The following HOTAIR variants were observed in gnomAD, a reference collection of about 807,000 sequenced individuals.
HOTAIR encodes the protein HOX transcript antisense RNA (non-protein coding).
intron 2 of HOTAIR, among the ~76,000 whole-genome samples, chr12:53,967,595 C>T (rs544376446): frequency 4.3e-4 from 65 of 152,304 alleles, no homozygotes; most frequent in African/African-American, 1.4e-3. Context: ...CGGGAAGCCC[C>T]AGGGAGGGAA....
At chr12:53,974,046 T>A (rs1170467281) in intron 1 of HOTAIR, 1 of 746,884 alleles carries the variant, frequency 1.3e-6, no homozygotes, top group Non-Finnish European at 2.0e-6. Context: ...TCCGATTTTA[T>A]GTGGAGTTTT....
At chr12:53,972,056 T>C (rs190006673) in intron 1 of HOTAIR, among the ~76,000 whole-genome samples, 17 of 152,306 alleles carry the variant, frequency 1.1e-4, no homozygotes, top group Admixed American at 1.1e-3. Flanking sequence ...GTTAGTCTCT[T>C]CTGGAGACCC....
chr12:53,963,103 A>T (rs1048639846), exon 7 of HOTAIR: 1 of 152,202 alleles, frequency 6.6e-6, no homozygotes, highest in African/African-American at 2.4e-5. Context: ...TTTCACTTTT[A>T]AAAATTTGTT....
At chr12:53,972,616 A>G (rs1939166304) in intron 1 of HOTAIR, among the ~76,000 whole-genome samples, 1 of 152,206 alleles carries the variant, frequency 6.6e-6, no homozygotes, top group South Asian at 2.1e-4. Context: ...CTGGCCAGGA[A>G]AAGAGTGGAC....
chr12:53,972,165 A>G (rs1286615526), intron 1 of HOTAIR, among the ~76,000 whole-genome samples: 1 of 152,104 alleles, frequency 6.6e-6, no homozygotes, highest in South Asian at 2.1e-4. Context: ...GGACCCCTAC[A>G]CTAGGCTTCT....
chr12:53,967,678 C>T (rs1939079581), intron 2 of HOTAIR, among the ~76,000 whole-genome samples: 1 of 152,144 alleles, frequency 6.6e-6, no homozygotes, highest in Non-Finnish European at 1.5e-5. Flanking sequence ...ACTGGGGAGG[C>T]CCTTTCTTAT....
intron 5 of HOTAIR, chr12:53,964,296 A>C (rs767374082): frequency 6.6e-6 from 1 of 152,154 alleles, no homozygotes; most frequent in Non-Finnish European, 1.5e-5. Context: ...TAACGGAGAG[A>C]TATTGATATT....
chr12:53,971,048 G>A (rs1257551310), intron 1 of HOTAIR, among the ~76,000 whole-genome samples: 2 of 152,104 alleles, frequency 1.3e-5, no homozygotes, highest in African/African-American at 4.8e-5. Flanking sequence ...CAATAAACTC[G>A]AGTTTAATGA....
chr12:53,973,298 C>A lies in HOTAIR; in HGVS notation n.59+1600G>T, dbSNP rs146084910. 1.2e-6 allele frequency: 2 copies of A among 1,613,780 alleles called. No individual in the cohort carries two copies. The highest frequency in any genetic ancestry group is 4.5e-5 in the East Asian group (2 of 44,854). On this transcript the variant is annotated intron_variant and non_coding_transcript_variant, in intron 1 of 6. Coordinates refer to ENST00000424518, the Ensembl canonical transcript of HOTAIR. The surrounding 1 kb of genome is among the most constrained non-coding windows in gnomAD (Gnocchi z 4.3). ...GCTCTCCGTCGCGCAAGGAGAGGGG[C>A]GCAGATTTCGGCGAGCGAGGGAGCT...
intron 2 of HOTAIR, chr12:53,968,058 G>A (rs1274932468): frequency 1.3e-5 from 2 of 152,174 alleles, no homozygotes; most frequent in African/African-American, 2.4e-5. Context: ...CCAGGCGGAT[G>A]CAAGTTAATA....
exon 7 of HOTAIR, chr12:53,962,575 C>T (rs541444610): frequency 3.0e-4 from 46 of 152,276 alleles, no homozygotes; most frequent in African/African-American, 1.1e-3. Context: ...TATATACATA[C>T]TGTGTGTGTA....
Position 53,973,336 on chromosome 12 carries a change from T to G in HOTAIR, n.59+1562A>C. 6.2e-7 allele frequency: 1 copy of G among 1,614,018 alleles called. No individual in the cohort carries two copies. Among genetic ancestry groups the G allele is most frequent in the South Asian group, 1.1e-5 (1 of 91,068 alleles). Reference sequence around the variant, plus strand: ...GAGCGAGGGAGCTGCGCCTCCAACCTCTATCTGCCCAGTTGCACTTACTAC... The same window carrying G: ...GAGCGAGGGAGCTGCGCCTCCAACCGCTATCTGCCCAGTTGCACTTACTAC... On this transcript the variant is annotated intron_variant and non_coding_transcript_variant, in intron 1 of 6. Transcript: ENST00000424518. This position sits in a 1 kb window ranked among gnomAD's most constrained non-coding sequence, Gnocchi z 4.3.
intron 1 of HOTAIR, among the ~76,000 whole-genome samples, chr12:53,971,968 G>A (rs1298519172): frequency 2.6e-5 from 4 of 152,216 alleles, no homozygotes; most frequent in Non-Finnish European, 5.9e-5. Context: ...CAGGGACAGA[G>A]GCTGGGGGCT....
At chr12:53,964,984 G>A (rs1282212835) in intron 5 of HOTAIR, among the ~76,000 whole-genome samples, 1 of 152,160 alleles carries the variant, frequency 6.6e-6, no homozygotes, top group East Asian at 1.9e-4. Context: ...ATAATTACAG[G>A]GGTATCAATA....
Position 53,973,299 on chromosome 12 carries a change from G to A in HOTAIR, n.59+1599C>T. ...CTCTCCGTCGCGCAAGGAGAGGGGC[G>A]CAGATTTCGGCGAGCGAGGGAGCTG... On this transcript the variant is annotated intron_variant and non_coding_transcript_variant, in intron 1 of 6. Transcript: ENST00000424518. The surrounding 1 kb of genome is among the most constrained non-coding windows in gnomAD (Gnocchi z 4.3). The A allele has an allele frequency of 1.2e-6, 2 of 1,613,812 alleles. No homozygotes were observed. Among genetic ancestry groups the A allele is most frequent in the Non-Finnish European group, 8.5e-7 (1 of 1,179,992 alleles).
chr12:53,969,056 G>C (rs1351268076), intron 1 of HOTAIR: 1 of 152,252 alleles, frequency 6.6e-6, no homozygotes, highest in African/African-American at 2.4e-5. Context: ...TAAAGCCAGA[G>C]AATCAGGGCT....
chr12:53,967,479 G>A (rs986420520), intron 2 of HOTAIR: 3 of 152,240 alleles, frequency 2.0e-5, no homozygotes, highest in African/African-American at 7.2e-5. Flanking sequence ...AAGCAGCTCT[G>A]ACCCCAAGAT....
chr12:53,973,161 G>A lies in HOTAIR; in HGVS notation n.59+1737C>T, dbSNP rs908965688. ...AGAGAGAGACTAAGACGGATAACGC[G>A]TCATCTCGCCTTCCCAAATTTTCCC... On this transcript the variant is annotated intron_variant and non_coding_transcript_variant, in intron 1 of 6. Transcript: ENST00000424518. The surrounding 1 kb of genome is among the most constrained non-coding windows in gnomAD (Gnocchi z 4.3). 14 of 1,059,564 alleles carry A rather than the reference G, an allele frequency of 1.3e-5. No individual in the cohort carries two copies. The highest frequency in any genetic ancestry group is 4.8e-5 in the African/African-American group (3 of 62,854). The allele number at this position is 1,059,564 out of a possible 1,614,324, so 65.6% of individuals were successfully genotyped here. A position where few individuals can be genotyped will look rare whatever the true frequency, so the allele number is the denominator to read the frequency against.
At chr12:53,962,512 C>T (rs1273853479) in exon 7 of HOTAIR, 3 of 152,300 alleles carry the variant, frequency 2.0e-5, no homozygotes, top group East Asian at 1.9e-4. Flanking sequence ...ATTATATATA[C>T]ACAAAGTGCA....
Sources: gnomAD v4.1 joint callset for allele counts (sites outside exome capture counted in the v4.1 genomes callset) on GRCh38, gnomAD v4.1.1 for gene constraint, Gnocchi (gnomAD v3.1) non-coding constraint, MANE v1.5 for transcripts, NCBI Gene and HGNC (gene_info 2026-07-23, HGNC 2026-07-21) for gene names.